Variants in GALK2 observed in about 807,000 individuals in gnomAD.
GALK2 encodes N-acetylgalactosamine kinase.
In GALK2, 36 loss-of-function variants were observed where a neutral mutation model predicts 52.4. The ratio of observed to expected loss-of-function variants is 0.69; its 90% CI spans 0.53 to 0.91. The LOEUF is 0.91. Ranked by LOEUF, GALK2 falls within the 40% of genes least tolerant of loss-of-function variation. GALK2 has a pLI of 0.00. For missense variants in GALK2, 579 were observed against 559.1 expected (o/e 1.04, Z -0.36); for synonymous variants, 176 against 199.1 (o/e 0.88, Z 0.98).
chr15:49,256,038 A>G (rs548600109), intron 5 of GALK2, among the ~76,000 whole-genome samples: 1 of 152,310 alleles, frequency 6.6e-6, no homozygotes, highest in African/African-American at 2.4e-5. Flanking sequence ...GCCACTGTGT[A>G]TATAGGGTTA....
At chr15:49,317,630 T>G (rs1471557956) in intron 8 of GALK2, among the ~76,000 whole-genome samples, 1 of 152,124 alleles carries the variant, frequency 6.6e-6, no homozygotes, top group Non-Finnish European at 1.5e-5. Context: ...TGCAGCACTA[T>G]TCACAATAGC....
At chr15:49,255,521 T>A (rs1393409624) in intron 5 of GALK2, among the ~76,000 whole-genome samples, 5 of 143,388 alleles carry the variant, frequency 3.5e-5, no homozygotes, top group African/African-American at 1.2e-4. Context: ...ACGGTTGCCT[T>A]ATTATTAGAT....
chr15:49,269,381 C>T (rs2030014685), intron 5 of GALK2, among the ~76,000 whole-genome samples: 1 of 152,128 alleles, frequency 6.6e-6, no homozygotes, highest in Non-Finnish European at 1.5e-5. Flanking sequence ...GTAGTCTCAA[C>T]TCAGCATAGG....
At chr15:49,264,871 G>C (rs1398198670) in intron 5 of GALK2, among the ~76,000 whole-genome samples, 5 of 152,234 alleles carry the variant, frequency 3.3e-5, no homozygotes, top group Non-Finnish European at 5.9e-5. Flanking sequence ...ACCAGCAGTG[G>C]TGGCTGTAGT....
chr15:49,347,129 T>C (rs768133588), intron 3 of GALK2, among the ~76,000 whole-genome samples: 6 of 152,204 alleles, frequency 3.9e-5, no homozygotes, highest in Admixed American at 3.9e-4. Flanking sequence ...TTATCAGCAG[T>C]TTTGTAGTAT....
At chr15:49,280,616 A>T (rs2032547938) in intron 5 of GALK2, among the ~76,000 whole-genome samples, 1 of 152,176 alleles carries the variant, frequency 6.6e-6, no homozygotes, top group African/African-American at 2.4e-5. Context: ...AGAGATGATT[A>T]TATCAGTTTT....
At chr15:49,187,363 A>G (rs953267871) in intron 1 of GALK2, among the ~76,000 whole-genome samples, 1 of 152,194 alleles carries the variant, frequency 6.6e-6, no homozygotes, top group African/African-American at 2.4e-5. Flanking sequence ...GGCCACTGTC[A>G]GTGGGACTGC....
At chr15:49,211,148 C>T (rs2088850764) in intron 2 of GALK2, among the ~76,000 whole-genome samples, 1 of 152,188 alleles carries the variant, frequency 6.6e-6, no homozygotes, top group Non-Finnish European at 1.5e-5. Context: ...AGCCAGACTA[C>T]ATCTTGAATG....
At chr15:49,258,819 TGTGTGTGTGTGA>T (rs2091936311) in intron 5 of GALK2, among the ~76,000 whole-genome samples, 19 of 146,496 alleles carry the variant, frequency 1.3e-4, no homozygotes, top group Non-Finnish European at 2.1e-4. Context: ...TGTGTGTGTG[TGTGTGTGTGTGA>T]GAGAGAGAGA....
chr15:49,290,843 G>A (rs1364827996), intron 7 of GALK2, among the ~76,000 whole-genome samples: 1 of 152,232 alleles, frequency 6.6e-6, no homozygotes, highest in African/African-American at 2.4e-5. Flanking sequence ...ACATGATATA[G>A]TTATCATGCA....
chr15:49,235,886 A>G lies in GALK2; in HGVS notation c.302A>G (p.Asp101Gly), dbSNP rs956271538. The G allele has an allele frequency of 6.2e-7, 1 of 1,613,710 alleles. No individual in the cohort carries two copies. The highest frequency in any genetic ancestry group is 8.5e-7 in the Non-Finnish European group (1 of 1,179,714). The change falls in exon 4 of 10, where the codon GAT becomes GGT. Residue 101 changes from aspartate to glycine, a missense_variant. Coordinates refer to ENST00000560031, the MANE Select transcript of GALK2 (RefSeq NM_002044.4). ...ACTAGTGCTAATAACATCCAGATTG[A>G]TAAAACCAAGCCTTTGTGGCACAAC... is the stretch of plus-strand genomic sequence containing the variant. Reference protein sequence around the residue: ...FSTSANNIQIDKTKPLWHNYF... With the variant: ...FSTSANNIQIGKTKPLWHNYF...
At chr15:49,339,481 T>C (rs2040333923) in intron 3 of GALK2, among the ~76,000 whole-genome samples, 4 of 152,186 alleles carry the variant, frequency 2.6e-5, no homozygotes, top group African/African-American at 9.6e-5. Flanking sequence ...TTGCTGCCTG[T>C]TCCTTCCTCT....
intron 3 of GALK2, among the ~76,000 whole-genome samples, chr15:49,350,907 A>G (rs2042148265): frequency 6.6e-6 from 1 of 152,206 alleles, no homozygotes; most frequent in Admixed American, 6.5e-5. Context: ...AATCCACTGC[A>G]TGGAACAGCT....
chr15:49,171,082 C>CTTTTTTTTTTTTTT (rs201895577), intron 1 of GALK2, among the ~76,000 whole-genome samples: 1 of 129,912 alleles, frequency 7.7e-6, no homozygotes, highest in Non-Finnish European at 1.7e-5. Flanking sequence ...TTTTCTTTTT[C>CTTTTTTTTTTTTTT]TTTTTTTTTT....
chr15:49,328,816 T>G lies in GALK2; in HGVS notation c.*657T>G. On this transcript the variant is annotated 3_prime_UTR_variant, in exon 10 of 10. Coordinates refer to ENST00000560031, the MANE Select transcript of GALK2 (RefSeq NM_002044.4). ...ACAAAAGGAGGATACAGGAAGAAAATTCAGACTCATTTGAATATTTGTAAA... is the reference window on the plus strand; with the variant it reads ...ACAAAAGGAGGATACAGGAAGAAAAGTCAGACTCATTTGAATATTTGTAAA... 7.1e-7 allele frequency: 1 copy of G among 1,415,238 alleles called. No individual in the cohort carries two copies. The highest frequency in any genetic ancestry group is 2.9e-5 in the Admixed American group (1 of 34,620). The allele number at this position is 1,415,238 out of a possible 1,614,324, so 87.7% of individuals were successfully genotyped here.
At chr15:49,178,219 A>ATATATATATT (rs1265601063) in intron 1 of GALK2, among the ~76,000 whole-genome samples, 5 of 118,296 alleles carry the variant, frequency 4.2e-5, no homozygotes, top group African/African-American at 1.6e-4. Context: ...ATATATATAT[A>ATATATATATT]TATATATAGA....
At chr15:49,304,823 C>T (rs1303174556) in intron 8 of GALK2, among the ~76,000 whole-genome samples, 1 of 152,180 alleles carries the variant, frequency 6.6e-6, no homozygotes, top group East Asian at 1.9e-4. Context: ...GATCAAATTT[C>T]AAGTTATTTT....
chr15:49,206,257 A>AT (rs1369822729), intron 2 of GALK2, among the ~76,000 whole-genome samples: 2 of 150,988 alleles, frequency 1.3e-5, no homozygotes, highest in East Asian at 3.9e-4. Flanking sequence ...TTATTTATTT[A>AT]TTATTATTAT....
At chr15:49,216,173 A>G (rs979387921) in intron 2 of GALK2, among the ~76,000 whole-genome samples, 2 of 152,114 alleles carry the variant, frequency 1.3e-5, no homozygotes, top group Admixed American at 1.3e-4. Flanking sequence ...GCTAGGTCAC[A>G]CCTGAAGCCT....
Sources: gnomAD v4.1 joint callset for allele counts (sites outside exome capture counted in the v4.1 genomes callset) on GRCh38, gnomAD v4.1.1 for gene constraint, MANE v1.5 for transcripts, NCBI Gene and HGNC (gene_info 2026-07-23, HGNC 2026-07-21) for gene names.